Variants in LYPD6B observed in about 807,000 individuals in gnomAD.
LYPD6B encodes LY6/PLAUR domain containing 6B.
A neutral mutation model predicts 22.8 loss-of-function variants in LYPD6B; 17 were observed. The ratio of observed to expected loss-of-function variants is 0.75; its 90% CI spans 0.51 to 1.12. LYPD6B has a LOEUF of 1.12. Ranked by LOEUF, LYPD6B falls within the 50% of genes most tolerant of loss-of-function variation. LYPD6B has a pLI of 0.00. For missense variants in LYPD6B, 221 were observed against 258.3 expected (o/e 0.86, Z 0.99); for synonymous variants, 106 against 91.6 (o/e 1.16, Z -0.90).
At chr2:149,073,235 C>A (rs1334759911) in intron 1 of LYPD6B, among the ~76,000 whole-genome samples, 4 of 152,162 alleles carry the variant, frequency 2.6e-5, no homozygotes, top group African/African-American at 9.7e-5. Flanking sequence ...ACTAGCAGGC[C>A]CAGCCCAGTA....
chr2:149,207,328 C>T (rs2106154826), intron 4 of LYPD6B, among the ~76,000 whole-genome samples: 1 of 152,208 alleles, frequency 6.6e-6, no homozygotes, highest in Non-Finnish European at 1.5e-5. Flanking sequence ...GGTTTTCACC[C>T]CATCTTCTAG....
intron 1 of LYPD6B, among the ~76,000 whole-genome samples, chr2:149,057,280 T>C (rs1683847935): frequency 6.6e-6 from 1 of 152,090 alleles, no homozygotes; most frequent in African/African-American, 2.4e-5. Context: ...ATGCAAAACT[T>C]ATGGTCTCAG....
chr2:149,189,713 A>C (rs965874687), intron 3 of LYPD6B, among the ~76,000 whole-genome samples: 1 of 152,104 alleles, frequency 6.6e-6, no homozygotes. Context: ...CCTTACCTTC[A>C]TTCTTAATCA....
rs1394334162 is a variant in LYPD6B, at chr2:149,098,746, A to G, written c.-66-32137A>G. On this transcript the variant is annotated intron_variant, in intron 1 of 6. Transcript: ENST00000409642. The stretch of plus-strand genomic sequence containing the variant: ...CTTTGTTTTATGTATCTACTTACGT[A>G]TATATACATGTGCTTTTTCTTTTTT... 5.4e-5 allele frequency among the ~76,000 whole-genome samples: 8 copies of G among 148,208 alleles called. No homozygotes were observed. The Admixed American group carries it at 5.5e-4, about 10-fold the overall frequency.
At chr2:149,077,384 C>T (rs868358175) in intron 1 of LYPD6B, 6 of 152,218 alleles carry the variant, frequency 3.9e-5, no homozygotes, top group African/African-American at 1.4e-4. Flanking sequence ...GATTGATTAA[C>T]TCTGCAAATA....
At chr2:149,126,115 A>G (rs1203252757) in intron 1 of LYPD6B, among the ~76,000 whole-genome samples, 1 of 152,212 alleles carries the variant, frequency 6.6e-6, no homozygotes, top group Non-Finnish European at 1.5e-5. Flanking sequence ...GATAACTACT[A>G]TCTTCTGACT....
intron 2 of LYPD6B, among the ~76,000 whole-genome samples, chr2:149,134,947 T>C (rs1688265259): frequency 6.6e-6 from 1 of 152,182 alleles, no homozygotes; most frequent in Non-Finnish European, 1.5e-5. Flanking sequence ...ATCAACTCTT[T>C]GAAGATTATT....
At chr2:149,062,883 G>A (rs1333887072) in intron 1 of LYPD6B, among the ~76,000 whole-genome samples, 1 of 50,888 alleles carries the variant, frequency 2.0e-5, no homozygotes, top group Non-Finnish European at 4.3e-5. Flanking sequence ...TTTTTTTTTT[G>A]GTTAAGTATC....
chr2:149,057,411 G>A (rs997599015), intron 1 of LYPD6B, among the ~76,000 whole-genome samples: 1 of 150,728 alleles, frequency 6.6e-6, no homozygotes. Context: ...TAATTACAGT[G>A]CCTTTTTTCT....
At chr2:149,206,691 C>T (rs1693528153) in intron 4 of LYPD6B, among the ~76,000 whole-genome samples, 1 of 152,092 alleles carries the variant, frequency 6.6e-6, no homozygotes, top group African/African-American at 2.4e-5. Flanking sequence ...TTCATAACCT[C>T]AAGATTCAAA....
At chr2:149,206,071 A>T (rs1693488277) in intron 4 of LYPD6B, 1 of 461,632 alleles carries the variant, frequency 2.2e-6, no homozygotes, top group African/African-American at 2.0e-5. Flanking sequence ...TTATAAATAA[A>T]AAATTATTTG....
At chr2:149,106,137 A>G (rs1293017769) in intron 1 of LYPD6B, among the ~76,000 whole-genome samples, 1 of 152,102 alleles carries the variant, frequency 6.6e-6, no homozygotes, top group African/African-American at 2.4e-5. Context: ...TTCCTGTAGT[A>G]AAACCTATGT....
intron 1 of LYPD6B, among the ~76,000 whole-genome samples, chr2:149,066,851 T>C (rs1684359666): frequency 6.6e-6 from 1 of 152,074 alleles, no homozygotes; most frequent in Non-Finnish European, 1.5e-5. Context: ...TATGTGCAAG[T>C]TTGTTACATG....
intron 1 of LYPD6B, among the ~76,000 whole-genome samples, chr2:149,086,428 A>C (rs994008145): frequency 2.6e-5 from 4 of 152,168 alleles, no homozygotes; most frequent in African/African-American, 9.7e-5. Flanking sequence ...GAGCTGCAGG[A>C]AGTTGAGCAG....
chr2:149,183,284 G>T (rs1418102429), intron 3 of LYPD6B, among the ~76,000 whole-genome samples: 1 of 152,190 alleles, frequency 6.6e-6, no homozygotes, highest in Non-Finnish European at 1.5e-5. Context: ...GTAGGAGATT[G>T]CCCAATTCCT....
chr2:149,066,740 C>G (rs975974120), intron 1 of LYPD6B, among the ~76,000 whole-genome samples: 2 of 152,000 alleles, frequency 1.3e-5, no homozygotes, highest in African/African-American at 2.4e-5. Context: ...CCAACATTCT[C>G]CCTTCTCTTC....
intron 1 of LYPD6B, among the ~76,000 whole-genome samples, chr2:149,126,313 A>G (rs1007455490): frequency 6.6e-6 from 1 of 152,198 alleles, no homozygotes; most frequent in African/African-American, 2.4e-5. Flanking sequence ...TTGAAAATCC[A>G]TGTATGATTT....
chr2:149,083,818 T>G (rs1006361527), intron 1 of LYPD6B, among the ~76,000 whole-genome samples: 2 of 152,176 alleles, frequency 1.3e-5, no homozygotes, highest in Admixed American at 6.5e-5. Flanking sequence ...GGCTCATGTC[T>G]GTAATCTCAG....
At chr2:149,106,095 CT>C (rs1306386346) in intron 1 of LYPD6B, among the ~76,000 whole-genome samples, 1 of 151,960 alleles carries the variant, frequency 6.6e-6, no homozygotes, top group Non-Finnish European at 1.5e-5. Flanking sequence ...ATTACACTGA[CT>C]TTTTTTCATG....
Sources: allele counts gnomAD v4.1 joint callset (sites outside exome capture counted in the v4.1 genomes callset), GRCh38; gene constraint gnomAD v4.1.1; transcripts MANE v1.5; gene names NCBI Gene and HGNC (gene_info 2026-07-23, HGNC 2026-07-21).